The following EDA variants were observed in gnomAD, a reference collection of about 807,000 sequenced individuals.
EDA encodes the protein ectodysplasin A.
A neutral mutation model predicts 23.6 loss-of-function variants in EDA; 2 were observed. That is an observed-to-expected ratio of 0.08 (90% confidence interval 0.03 to 0.27). The LOEUF is 0.27. Among genes scored for constraint, EDA ranks in the 10% least tolerant of loss-of-function variants. The pLI, the probability that EDA is intolerant of heterozygous loss-of-function variation, is 1.00. For missense variants in EDA, 229 were observed against 324.2 expected, an observed-to-expected ratio of 0.71 and a Z score of 2.26; for synonymous variants, 131 against 132.0, an observed-to-expected ratio of 0.99 and a Z score of 0.05.
At chrX:69,857,674 C>T (rs1258006729) in intron 1 of EDA, among the ~76,000 whole-genome samples, 2 of 111,106 alleles carry the variant, frequency 1.8e-5, no homozygotes, top group African/African-American at 3.3e-5. Context: ...TTATATCTAT[C>T]GATGAGCATT....
At chrX:69,909,128 C>T (rs1013760208) in intron 1 of EDA, among the ~76,000 whole-genome samples, 2 of 111,303 alleles carry the variant, frequency 1.8e-5, no homozygotes, top group African/African-American at 3.3e-5. Flanking sequence ...TAAAACTTTT[C>T]CCCCCAAATG....
chrX:69,621,017 C>A (rs1932160070), intron 1 of EDA: 1 of 308,316 alleles, frequency 3.2e-6, no homozygotes, highest in Non-Finnish European at 6.3e-6. Flanking sequence ...TGGAGAAGAG[C>A]CTTAACCACG....
intron 2 of EDA, among the ~76,000 whole-genome samples, chrX:70,020,062 A>G (rs1332929223): frequency 8.9e-6 from 1 of 112,072 alleles, no homozygotes; most frequent in Non-Finnish European, 1.9e-5. Context: ...GAAACCATAA[A>G]AGAACTAGAA....
At chrX:69,727,852 G>A (rs1781623622) in intron 1 of EDA, among the ~76,000 whole-genome samples, 1 of 111,800 alleles carries the variant, frequency 8.9e-6, no homozygotes, top group Non-Finnish European at 1.9e-5. Flanking sequence ...TTTTTGGTTT[G>A]TTGCTGTTTC....
rs1157724572 is a variant in EDA, at chrX:69,845,060, C to T, written c.397-111967C>T. 3.6e-5 allele frequency among the ~76,000 whole-genome samples: 4 copies of T among 112,453 alleles called. No individual in the cohort carries two copies. In the Admixed American group the frequency reaches 3.8e-4, roughly 11 times the overall value. On this transcript the variant is annotated intron_variant, in intron 1 of 7. Coordinates refer to ENST00000374552, the MANE Select transcript of EDA (RefSeq NM_001399.5). Reference sequence around the variant, plus strand: ...GCTTTTCATGGGACTCATAAAATAGCGTGCAGAGTGTATTCAACTATAGTT... The same window carrying T: ...GCTTTTCATGGGACTCATAAAATAGTGTGCAGAGTGTATTCAACTATAGTT...
In EDA at chrX:69,673,783, T is replaced by A. The variant is rs926952278; in HGVS notation, c.396+57079T>A. On this transcript the variant is annotated intron_variant, in intron 1 of 7. Coordinates refer to ENST00000374552, the MANE Select transcript of EDA (RefSeq NM_001399.5). Reference sequence around the variant, plus strand: ...TTTATTAGTGTTCACAAGAGACATGTTTAAATGTCAGCTCTAGGACAGCTA... The same window carrying A: ...TTTATTAGTGTTCACAAGAGACATGATTAAATGTCAGCTCTAGGACAGCTA... 2.7e-5 allele frequency among the ~76,000 whole-genome samples: 3 copies of A among 111,637 alleles called. No individual in the cohort carries two copies. The Admixed American group carries it at 2.9e-4, about 11-fold the overall frequency.
At position 69,647,928 on chromosome X, in the gene EDA, C is replaced by T. The variant is rs189450080; in HGVS notation, c.396+31224C>T. ...TGTTTTCTGTTTGTTTTCCTTTTAA[C>T]AGTCAGGCCACTGTACCGTAGGACT... On this transcript the variant is annotated intron_variant, in intron 1 of 7. Transcript: ENST00000374552. Among the ~76,000 whole-genome samples the T allele has an allele frequency of 2.7e-5, 3 of 111,594 alleles. No individual in the cohort carries two copies. In the East Asian group the frequency reaches 8.5e-4, roughly 32 times the overall value.
chrX:69,868,599 C>T (rs1269557448), intron 1 of EDA, among the ~76,000 whole-genome samples: 1 of 112,132 alleles, frequency 8.9e-6, no homozygotes, highest in Non-Finnish European at 1.9e-5. Flanking sequence ...AAAATGTCAT[C>T]AATGTAATGG....
At chrX:69,732,176 G>A (rs1299388190) in intron 1 of EDA, among the ~76,000 whole-genome samples, 1 of 111,560 alleles carries the variant, frequency 9.0e-6, no homozygotes, top group African/African-American at 3.3e-5. Context: ...ATGTATACAT[G>A]TGCCATGTTG....
chrX:69,712,369 C>T (rs111306467), intron 1 of EDA, among the ~76,000 whole-genome samples: 1,931 of 110,821 alleles, frequency 0.017, 48 homozygotes, highest in African/African-American at 0.06. Context: ...TGACATTGGA[C>T]CTTAAACAAC....
At chrX:69,932,320 AACTT>A (rs2018609582) in intron 1 of EDA, among the ~76,000 whole-genome samples, 2 of 111,624 alleles carry the variant, frequency 1.8e-5, no homozygotes, top group South Asian at 7.7e-4. Context: ...CATATGTAAA[AACTT>A]AAATATGTAC....
At chrX:69,691,027 C>T (rs1934697341) in intron 1 of EDA, among the ~76,000 whole-genome samples, 1 of 111,391 alleles carries the variant, frequency 9.0e-6, no homozygotes, top group African/African-American at 3.3e-5. Flanking sequence ...TTGGCTTCAT[C>T]AATCTAACTA....
At chrX:70,033,607 C>T in intron 7 of EDA, 79 bp downstream of exon 7, 1 of 1,120,340 alleles carries the variant, frequency 8.9e-7, no homozygotes, top group Non-Finnish European at 1.2e-6. Flanking sequence ...CACTGTGGAG[C>T]CAGCCAAGAC....
intron 4 of EDA, among the ~76,000 whole-genome samples, chrX:70,028,840 C>T (rs757828600): frequency 8.9e-6 from 1 of 112,796 alleles, no homozygotes; most frequent in Admixed American, 9.3e-5. Context: ...CACTCCCCTG[C>T]CCTGTATCTT....
At chrX:69,984,139 A>G (rs1218277393) in intron 2 of EDA, among the ~76,000 whole-genome samples, 2 of 59,268 alleles carry the variant, frequency 3.4e-5, no homozygotes, top group African/African-American at 1.4e-4. Flanking sequence ...AGGGAAATTT[A>G]TAGCACTAAA....
chrX:69,888,518 A>C (rs1359983961), intron 1 of EDA, among the ~76,000 whole-genome samples: 1 of 109,792 alleles, frequency 9.1e-6, no homozygotes, highest in Non-Finnish European at 1.9e-5. Context: ...GATTTAAAAA[A>C]AAAAAAAAGA....
At chrX:69,682,578 G>A (rs902462820) in intron 1 of EDA, among the ~76,000 whole-genome samples, 3 of 111,968 alleles carry the variant, frequency 2.7e-5, no homozygotes, top group East Asian at 5.6e-4. Flanking sequence ...GGAGTGACCC[G>A]ATTTTCCAGG....
At chrX:69,680,918 G>A (rs1167481331) in intron 1 of EDA, among the ~76,000 whole-genome samples, 10 of 106,320 alleles carry the variant, frequency 9.4e-5, no homozygotes, top group Non-Finnish European at 1.9e-4. Flanking sequence ...TCCTAGTCTC[G>A]ATGGTCTTTA....
At chrX:69,681,727 A>G (rs1384066937) in intron 1 of EDA, among the ~76,000 whole-genome samples, 2 of 109,159 alleles carry the variant, frequency 1.8e-5, no homozygotes, top group Non-Finnish European at 3.8e-5. Context: ...ATTCTTCTAA[A>G]TTTTTTTCAA....
Sources: gnomAD v4.1 joint callset for allele counts (sites outside exome capture counted in the v4.1 genomes callset) on GRCh38, gnomAD v4.1.1 for gene constraint, MANE v1.5 for transcripts, NCBI Gene and HGNC (gene_info 2026-07-23, HGNC 2026-07-21) for gene names.